SLC36A4: variants seen among roughly 807,000 people sequenced by gnomAD.
The protein encoded by SLC36A4 is solute carrier family 36 member 4.
In SLC36A4, 49 loss-of-function variants were observed where a neutral mutation model predicts 50.5. The ratio of observed to expected loss-of-function variants is 0.97; its 90% CI spans 0.77 to 1.23. SLC36A4 has a LOEUF of 1.23. Ranked by LOEUF, SLC36A4 falls within the 50% of genes most tolerant of loss-of-function variation. The probability of loss-of-function intolerance (pLI) is 0.00; values close to 1 mark genes in which losing one functional copy is unlikely to be tolerated. For synonymous variants in SLC36A4, 207 were observed against 206.5 expected (o/e 1.00, Z -0.02); for missense variants, 611 against 608.4 (o/e 1.00, Z -0.05).
At position 93,157,197 on chromosome 11, in the gene SLC36A4, G is replaced by C. The variant is rs188229697; in HGVS notation, c.1038-2920C>G. 5.7e-3 allele frequency among the ~76,000 whole-genome samples: 864 copies of C among 152,088 alleles called. 7 individuals are homozygous for C. Among genetic ancestry groups the C allele is most frequent in the Middle Eastern group, 0.01 (3 of 294 alleles). On this transcript the variant is annotated intron_variant, in intron 9 of 10. Coordinates refer to ENST00000326402, the MANE Select transcript of SLC36A4 (RefSeq NM_152313.4). ...CTGGGCTCTCTATTCTGTTCCATTGGTCTATGTGTCTGTTTTTGTTCCAGT... is the reference window on the plus strand; with the variant it reads ...CTGGGCTCTCTATTCTGTTCCATTGCTCTATGTGTCTGTTTTTGTTCCAGT...
At chr11:93,188,607 G>A (rs971927573) in intron 1 of SLC36A4, among the ~76,000 whole-genome samples, 1 of 152,194 alleles carries the variant, frequency 6.6e-6, no homozygotes, top group Admixed American at 6.5e-5. Context: ...AAGGTGGCAC[G>A]GTCTAGAACT....
At chr11:93,180,230 C>A (rs1295254090) in intron 6 of SLC36A4, 1 of 984,894 alleles carries the variant, frequency 1.0e-6, no homozygotes, top group African/African-American at 1.7e-5. Context: ...TTTTTTATTT[C>A]ATTGCTTTCC....
intron 1 of SLC36A4, among the ~76,000 whole-genome samples, chr11:93,192,519 T>C (rs1029548684): frequency 6.6e-6 from 1 of 152,108 alleles, no homozygotes; most frequent in Non-Finnish European, 1.5e-5. Flanking sequence ...TAAATGTAAA[T>C]TTACGTTACA....
At chr11:93,160,281 T>A in intron 9 of SLC36A4, 1 of 985,412 alleles carries the variant, frequency 1.0e-6, no homozygotes, top group Non-Finnish European at 1.2e-6. Context: ...CCAATGCAAA[T>A]TCTCTAAAGG....
At chr11:93,167,880 C>G in intron 7 of SLC36A4, 64 bp downstream of exon 7, 1 of 1,057,414 alleles carries the variant, frequency 9.5e-7, no homozygotes, top group East Asian at 2.4e-5. Context: ...TTTACCTCCA[C>G]AGTAAACAAA....
At chr11:93,180,027 T>G (rs1313824152) in intron 6 of SLC36A4, 1 of 887,456 alleles carries the variant, frequency 1.1e-6, no homozygotes, top group Admixed American at 6.2e-5. Context: ...ACATACACAC[T>G]CCATCATTTT....
rs748055651 is a variant in SLC36A4, at chr11:93,182,880, G to A, written c.285C>T (p.Ser95=). ...KNAGIVLGPI[S]LVFIGIISVH... The stretch of plus-strand genomic sequence containing the variant: ...CAGAAATAATTCCTATAAACACAAG[G>A]CTGATTGGTCCAAGCTGTGGGGAAA... Residue 95 remains serine (S), a synonymous_variant, in exon 4 of 11, where the codon AGC becomes AGT. Coordinates refer to ENST00000326402, the MANE Select transcript of SLC36A4 (RefSeq NM_152313.4). 1 of 1,610,796 alleles carries A rather than the reference G, an allele frequency of 6.2e-7. No individual in the cohort carries two copies. The highest frequency in any genetic ancestry group is 8.5e-7 in the Non-Finnish European group (1 of 1,178,520).
intron 8 of SLC36A4, among the ~76,000 whole-genome samples, chr11:93,165,537 G>C (rs1281833796): frequency 6.6e-6 from 1 of 152,020 alleles, no homozygotes; most frequent in Admixed American, 6.6e-5. Flanking sequence ...GAGTATGTGG[G>C]ATATAGATTT....
At chr11:93,160,059 T>C (rs1860550800) in intron 9 of SLC36A4, 18 of 985,394 alleles carry the variant, frequency 1.8e-5, no homozygotes, top group South Asian at 1.4e-4. Context: ...TCGTATATAG[T>C]ATATTAAGAA....
intron 3 of SLC36A4, among the ~76,000 whole-genome samples, chr11:93,184,203 T>C (rs1861875229): frequency 6.6e-6 from 1 of 152,208 alleles, no homozygotes; most frequent in African/African-American, 2.4e-5. Flanking sequence ...TTGTGGCTTT[T>C]TTTTGGCTAA....
intron 1 of SLC36A4, 198 bp downstream of exon 1, chr11:93,197,580 T>A (rs1185978176): frequency 1.7e-6 from 1 of 602,798 alleles, no homozygotes; most frequent in Non-Finnish European, 2.9e-6. Context: ...TAACGCCCTA[T>A]TCAGGCCTGG....
At position 93,167,929 on chromosome 11, in the gene SLC36A4, ACT is replaced by A. The variant is rs760440376; in HGVS notation, c.768+13_768+14del. On this transcript the variant is annotated intron_variant, in intron 7 of 10. Coordinates refer to ENST00000326402, the MANE Select transcript of SLC36A4 (RefSeq NM_152313.4). ...AAGAAAGATAAGAACTTAGTTAAAA[ACT>A]TTTTATACTTACCCTGACAACATAC... 1 of 1,548,976 alleles carries A rather than the reference ACT, an allele frequency of 6.5e-7. No homozygotes were observed.
intron 6 of SLC36A4, among the ~76,000 whole-genome samples, chr11:93,168,522 G>C (rs1269408556): frequency 2.0e-5 from 3 of 151,904 alleles, no homozygotes; most frequent in African/African-American, 7.3e-5. Context: ...CTCTTTTTGA[G>C]ATCATCAAAT....
intron 1 of SLC36A4, among the ~76,000 whole-genome samples, chr11:93,186,988 C>A (rs1862010221): frequency 6.6e-6 from 1 of 152,180 alleles, no homozygotes; most frequent in Non-Finnish European, 1.5e-5. Flanking sequence ...TTGAGGACCA[C>A]TGCTCTAACT....
chr11:93,163,749 G>A (rs368496489), intron 8 of SLC36A4, among the ~76,000 whole-genome samples: 4 of 151,834 alleles, frequency 2.6e-5, no homozygotes, highest in African/African-American at 9.7e-5. Flanking sequence ...TCTATCGCCT[G>A]GAGGGAGGAG....
chr11:93,193,572 C>T (rs144390893), intron 1 of SLC36A4, among the ~76,000 whole-genome samples: 1 of 152,114 alleles, frequency 6.6e-6, no homozygotes, highest in African/African-American at 2.4e-5. Context: ...TATTATACAA[C>T]ATTTATTATA....
chr11:93,180,913 G>A (rs751239212), intron 5 of SLC36A4, 32 bp from the exon 6 acceptor site: 2 of 1,363,910 alleles, frequency 1.5e-6, no homozygotes, highest in Admixed American at 3.5e-5. Flanking sequence ...TGAGTATCCA[G>A]GAGAGCTACT....
chr11:93,188,557 T>C (rs1862085712), intron 1 of SLC36A4, among the ~76,000 whole-genome samples: 2 of 152,174 alleles, frequency 1.3e-5, no homozygotes, highest in African/African-American at 2.4e-5. Context: ...CTCCATACAT[T>C]GTTTTGTAGG....
chr11:93,193,093 T>C, intron 1 of SLC36A4: 3 of 786,658 alleles, frequency 3.8e-6, no homozygotes, highest in Non-Finnish European at 4.6e-6. Flanking sequence ...TATTAAGCTC[T>C]ATGGGATTTT....
Sources: allele counts gnomAD v4.1 joint callset (sites outside exome capture counted in the v4.1 genomes callset), GRCh38; gene constraint gnomAD v4.1.1; transcripts MANE v1.5; gene names NCBI Gene and HGNC (gene_info 2026-07-23, HGNC 2026-07-21).